The following MAGI1 variants were observed in gnomAD, a reference collection of about 807,000 sequenced individuals.
MAGI1 encodes membrane-associated guanylate kinase, WW and PDZ domain-containing protein 1.
A neutral mutation model predicts 139.9 loss-of-function variants in MAGI1; 58 were observed. The ratio of observed to expected loss-of-function variants is 0.41; its 90% confidence interval spans 0.34 to 0.52. The LOEUF is 0.52. MAGI1 is among the 20% of genes least tolerant of loss of function. The pLI is 0.12. For missense variants in MAGI1, 1,874 were observed against 1,901.6 expected (o/e 0.99, Z 0.27); for synonymous variants, 812 against 737.9 (o/e 1.10, Z -1.63).
In MAGI1 at chr3:65,356,429, CG is replaced by C; in HGVS notation, c.4337del (p.Pro1446ArgfsTer39). 6.2e-7 allele frequency: 1 copy of C among 1,609,402 alleles called. No individual in the cohort carries two copies. The highest frequency in any genetic ancestry group is 8.5e-7 in the Non-Finnish European group (1 of 1,178,974). On this transcript the variant is annotated frameshift_variant, in exon 23 of 23. Transcript: ENST00000402939. LOFTEE classifies it high-confidence loss of function. ...CTTTGTAAGGTCGCCTTCTCTGCTC[CG>C]GGGGATGTCTGGAACTTCTGCCGGC... is the stretch of plus-strand genomic sequence containing the variant. ...QDAGRSSRHP[P>X]EQRRRPYKEC...
chr3:65,908,431 C>T (rs1021569238), intron 1 of MAGI1, among the ~76,000 whole-genome samples: 2 of 151,970 alleles, frequency 1.3e-5, no homozygotes, highest in Non-Finnish European at 2.9e-5. Context: ...ATTACAGGCA[C>T]CCACTACCAC....
intron 2 of MAGI1, among the ~76,000 whole-genome samples, chr3:65,550,108 A>C (rs2079749020): frequency 6.6e-6 from 1 of 152,160 alleles, no homozygotes; most frequent in Non-Finnish European, 1.5e-5. Flanking sequence ...ATTCCATAGA[A>C]GAAAAGCTAC....
chr3:65,962,441 T>G (rs2064487129), intron 1 of MAGI1, among the ~76,000 whole-genome samples: 2 of 152,020 alleles, frequency 1.3e-5, no homozygotes, highest in African/African-American at 4.8e-5. Flanking sequence ...ATTTTTCAAG[T>G]GTACTAAAGT....
At chr3:65,419,786 A>G (rs776196194) in intron 12 of MAGI1, among the ~76,000 whole-genome samples, 1 of 152,048 alleles carries the variant, frequency 6.6e-6, no homozygotes, top group Non-Finnish European at 1.5e-5. Flanking sequence ...CATGGGACAC[A>G]TACAGTTTTC....
At chr3:65,454,835 T>C (rs1457532275) in intron 5 of MAGI1, among the ~76,000 whole-genome samples, 3 of 152,006 alleles carry the variant, frequency 2.0e-5, no homozygotes, top group Non-Finnish European at 4.4e-5. Context: ...ACCACCACCA[T>C]CACCACCACG....
At chr3:65,384,295 T>C (rs187877766) in intron 14 of MAGI1, among the ~76,000 whole-genome samples, 100 of 152,326 alleles carry the variant, frequency 6.6e-4, no homozygotes, top group Non-Finnish European at 1.3e-4. Context: ...CAATCACAGA[T>C]AGAAAATTTG....
chr3:65,540,330 T>G (rs1274532220), intron 2 of MAGI1, among the ~76,000 whole-genome samples: 1 of 152,202 alleles, frequency 6.6e-6, no homozygotes, highest in African/African-American at 2.4e-5. Context: ...TTATTTTACA[T>G]AACAGCATAT....
At chr3:66,027,265 C>CAAAT (rs201338759) in intron 1 of MAGI1, among the ~76,000 whole-genome samples, 1,921 of 69,618 alleles carry the variant, frequency 0.028, 20 homozygotes, top group East Asian at 0.091. Context: ...GACTCCGTCT[C>CAAAT]AAATAAATAA....
At chr3:65,659,487 G>A (rs571434200) in intron 1 of MAGI1, among the ~76,000 whole-genome samples, 2 of 152,166 alleles carry the variant, frequency 1.3e-5, no homozygotes, top group African/African-American at 2.4e-5. Context: ...GTGCCAGGAC[G>A]GTTCCAAAAA....
rs114041226 is a variant in MAGI1 at position 65,803,819 on chromosome 3, T to C, written c.314-181731A>G. Among the ~76,000 whole-genome samples, 1,327 of 152,312 alleles carry C rather than the reference T, an allele frequency of 8.7e-3. 20 individuals carry two copies. The highest frequency in any genetic ancestry group is 0.03 in the African/African-American group (1,254 of 41,576). On this transcript the variant is annotated intron_variant, in intron 1 of 22. Coordinates refer to ENST00000402939, the MANE Select transcript of MAGI1 (RefSeq NM_001033057.2). Reference sequence around the variant, plus strand: ...GCAGTATTGGTGCTGGAGGCCATTATGCTTAGCAAACTCATACAAGAAGAG... The same window carrying C: ...GCAGTATTGGTGCTGGAGGCCATTACGCTTAGCAAACTCATACAAGAAGAG...
intron 2 of MAGI1, among the ~76,000 whole-genome samples, chr3:65,508,775 G>C (rs143262442): frequency 6.6e-6 from 1 of 152,148 alleles, no homozygotes; most frequent in Middle Eastern, 3.2e-3. Context: ...AAAAAACTGG[G>C]GAGTTTTGTT....
chr3:65,363,733 C>G, intron 20 of MAGI1, 125 bp from the exon 21 acceptor site: 1 of 736,168 alleles, frequency 1.4e-6, no homozygotes, highest in Non-Finnish European at 2.2e-6. Context: ...TATTAATAAT[C>G]TTGATTCATC....
chr3:65,771,471 A>G (rs1325975221), intron 1 of MAGI1, among the ~76,000 whole-genome samples: 1 of 152,218 alleles, frequency 6.6e-6, no homozygotes, highest in Non-Finnish European at 1.5e-5. Context: ...AAACATAGAG[A>G]TATTTTATTT....
At chr3:65,700,913 A>G (rs956204961) in intron 1 of MAGI1, among the ~76,000 whole-genome samples, 1 of 152,176 alleles carries the variant, frequency 6.6e-6, no homozygotes, top group African/African-American at 2.4e-5. Flanking sequence ...CAGGTCACCA[A>G]CATACTCCTT....
At chr3:65,964,213 C>G (rs1311181441) in intron 1 of MAGI1, among the ~76,000 whole-genome samples, 1 of 152,162 alleles carries the variant, frequency 6.6e-6, no homozygotes, top group Non-Finnish European at 1.5e-5. Context: ...CAGTAATTAC[C>G]TTAGCGTCAG....
chr3:65,979,592 G>A (rs553497287), intron 1 of MAGI1, among the ~76,000 whole-genome samples: 2 of 152,276 alleles, frequency 1.3e-5, no homozygotes, highest in Middle Eastern at 3.4e-3. Context: ...AGTACCCAAA[G>A]AAATGAATAT....
At chr3:65,961,043 T>C (rs1042059435) in intron 1 of MAGI1, among the ~76,000 whole-genome samples, 1 of 152,174 alleles carries the variant, frequency 6.6e-6, no homozygotes, top group Non-Finnish European at 1.5e-5. Flanking sequence ...AAATGAGAAA[T>C]AAGAAAACTT....
chr3:65,470,523 G>GAA (rs111579108), intron 4 of MAGI1, 39 bp from the exon 5 acceptor site: 15,706 of 917,118 alleles, frequency 0.017, no homozygotes, highest in East Asian at 0.024. Context: ...GAGAGAGAGA[G>GAA]AAAAAAAAAA....
chr3:65,853,064 G>A (rs1375152518), intron 1 of MAGI1, among the ~76,000 whole-genome samples: 7 of 151,582 alleles, frequency 4.6e-5, no homozygotes, highest in African/African-American at 1.7e-4. Flanking sequence ...CAGGGAAATC[G>A]CTTGAACCCA....
Sources: allele counts gnomAD v4.1 joint callset (sites outside exome capture counted in the v4.1 genomes callset), GRCh38; gene constraint gnomAD v4.1.1; transcripts MANE v1.5; gene names NCBI Gene and HGNC (gene_info 2026-07-23, HGNC 2026-07-21).